Variants in ABCB5 observed in about 807,000 individuals in gnomAD.
The protein encoded by ABCB5 is ATP binding cassette subfamily B member 5, also known as ATP-binding cassette sub-family B member 5.
Under a neutral mutation model 144.2 loss-of-function variants are expected in ABCB5, and 155 were observed. The observed-to-expected ratio is 1.08, with a 90% CI of 0.94 to 1.23. The LOEUF (loss-of-function observed/expected upper bound fraction) is 1.23, where lower values mean the gene tolerates loss of function less well. Among genes scored for constraint, ABCB5 ranks in the 50% most tolerant of loss-of-function variants. The pLI, the probability that ABCB5 is intolerant of heterozygous loss-of-function variation, is 0.00. For synonymous variants in ABCB5, 610 were observed against 528.6 expected, an observed-to-expected ratio of 1.15 and a Z score of -2.11; for missense variants, 1,830 against 1,520.8, an observed-to-expected ratio of 1.20 and a Z score of -3.38.
At chr7:20,622,412 C>A (rs1011429907) in intron 1 of ABCB5, among the ~76,000 whole-genome samples, 2 of 152,058 alleles carry the variant, frequency 1.3e-5, no homozygotes, top group South Asian at 2.1e-4. Flanking sequence ...TTGTATTATG[C>A]CTTCCTCCTT....
chr7:20,737,095 T>G (rs930457951), intron 23 of ABCB5, among the ~76,000 whole-genome samples: 6 of 151,314 alleles, frequency 4.0e-5, no homozygotes, highest in African/African-American at 1.5e-4. Context: ...GAGATGGAGG[T>G]TGCAGTGAGC....
At chr7:20,704,200 C>T (rs994601124) in intron 19 of ABCB5, among the ~76,000 whole-genome samples, 2 of 151,356 alleles carry the variant, frequency 1.3e-5, no homozygotes, top group Non-Finnish European at 2.9e-5. Flanking sequence ...CCTCAGCCTC[C>T]CAAGTAGCTG....
intron 19 of ABCB5, among the ~76,000 whole-genome samples, chr7:20,701,434 A>C (rs1457700041): frequency 6.6e-6 from 1 of 152,094 alleles, no homozygotes; most frequent in Non-Finnish European, 1.5e-5. Context: ...GAATGCCTAG[A>C]TGTTTGTTTT....
At chr7:20,667,969 CCAGCCTCGGCCTCCCGAGGTG>C (rs1785264936) in intron 14 of ABCB5, among the ~76,000 whole-genome samples, 1 of 71,920 alleles carries the variant, frequency 1.4e-5, no homozygotes, top group African/African-American at 6.6e-5. Context: ...GAGTGATCCG[CCAGCCTCGGCCTCCCGAGGTG>C]CCGGGATTGC....
intron 26 of ABCB5, among the ~76,000 whole-genome samples, chr7:20,747,829 T>A (rs6461518): frequency 0.35 from 53,167 of 151,782 alleles, 9,489 homozygotes; most frequent in African/African-American, 0.39. Flanking sequence ...TAAAATAGTT[T>A]AAAAAAAATC....
chr7:20,723,771 AAAAC>A (rs1781947550), intron 21 of ABCB5, among the ~76,000 whole-genome samples: 3 of 152,194 alleles, frequency 2.0e-5, no homozygotes, highest in Admixed American at 1.3e-4. Flanking sequence ...TTTATTTTTC[AAAAC>A]AAACAGGCAA....
intron 14 of ABCB5, among the ~76,000 whole-genome samples, chr7:20,670,253 G>A (rs763027023): frequency 6.6e-6 from 1 of 151,978 alleles, no homozygotes; most frequent in Non-Finnish European, 1.5e-5. Context: ...ATAATGATGT[G>A]TCAATAGTGG....
chr7:20,702,828 A>ATTTTTT (rs5882755), intron 19 of ABCB5, among the ~76,000 whole-genome samples: 4 of 114,118 alleles, frequency 3.5e-5, no homozygotes, highest in Non-Finnish European at 7.0e-5. Context: ...CGCCTGGCTA[A>ATTTTTT]TTTTTTTTTT....
rs1475710449 is a variant in ABCB5 at position 20,749,067 on chromosome 7, CCTTTCTTTCT to C, written c.3429+3640_3429+3649del. On this transcript the variant is annotated intron_variant, in intron 26 of 27. Coordinates refer to ENST00000404938, the MANE Select transcript of ABCB5 (RefSeq NM_001163941.2). ...TTGTCTCTCCCTTTCTTTCTCTCTC[CCTTTCTTTCT>C]CTTTCTTTCTTGCTTGCTTTTCTTG... Among the ~76,000 whole-genome samples, 37 of 151,662 alleles carry C rather than the reference CCTTTCTTTCT, an allele frequency of 2.4e-4. 1 individual carries two copies. The highest frequency in any genetic ancestry group is 2.0e-3 in the Admixed American group (30 of 15,160).
rs144800007 is a variant in ABCB5 at position 20,659,194 on chromosome 7, G to A, written c.1707+518G>A. 9 of 1,609,506 alleles carry A rather than the reference G, an allele frequency of 5.6e-6. No homozygotes were observed. In the Admixed American group the frequency reaches 1.0e-4, roughly 18 times the overall value. On this transcript the variant is annotated intron_variant, in intron 14 of 27. Transcript: ENST00000404938. Reference sequence around the variant, plus strand: ...GACCTCCTGCTGCCTATGAGCTACTGCACATACCTCAAGGCCATATGCAGT... The same window carrying A: ...GACCTCCTGCTGCCTATGAGCTACTACACATACCTCAAGGCCATATGCAGT...
At chr7:20,681,809 G>C (rs974199826) in intron 15 of ABCB5, 143 bp downstream of exon 15, 2 of 929,736 alleles carry the variant, frequency 2.2e-6, no homozygotes, top group African/African-American at 3.3e-5. Context: ...AAGAAATGGA[G>C]TGTTTCAAAT....
At chr7:20,732,499 C>T (rs1478385053) in intron 23 of ABCB5, among the ~76,000 whole-genome samples, 1 of 152,150 alleles carries the variant, frequency 6.6e-6, no homozygotes, top group African/African-American at 2.4e-5. Context: ...TGGCACATAA[C>T]AGACACACAA....
At chr7:20,681,002 CTTTCTTTCTTTCTTTCTTTCTT>C (rs1785782778) in intron 14 of ABCB5, among the ~76,000 whole-genome samples, 7 of 43,864 alleles carry the variant, frequency 1.6e-4, no homozygotes, top group Admixed American at 1.3e-3. Flanking sequence ...TTCTTTCTTT[CTTTCTTTCTTTCTTTCTTTCTT>C]TCTTTCTTTC....
intron 7 of ABCB5, 80 bp downstream of exon 7, chr7:20,643,712 C>A: frequency 1.3e-6 from 2 of 1,493,134 alleles, no homozygotes; most frequent in Non-Finnish European, 1.8e-6. Flanking sequence ...TCAAAAATGG[C>A]TTTTCTATTC....
chr7:20,724,641 A>G (rs1441868189), intron 21 of ABCB5, among the ~76,000 whole-genome samples: 1 of 151,622 alleles, frequency 6.6e-6, no homozygotes, highest in Non-Finnish European at 1.5e-5. Flanking sequence ...AAAAAAAAAA[A>G]AAAAAAAAGG....
chr7:20,678,610 CAAAACAAAAACA>C lies in ABCB5; in HGVS notation c.1708-2872_1708-2861del, dbSNP rs571153694. ...TGTCAGTTATTGTGCTAGGCATTTA[CAAAACAAAAACA>C]AAAACAAAAACAAAAACAAAAAAAA... On this transcript the variant is annotated intron_variant, in intron 14 of 27. Transcript: ENST00000404938. Among the ~76,000 whole-genome samples, 24 of 149,162 alleles carry C rather than the reference CAAAACAAAAACA, an allele frequency of 1.6e-4. No homozygotes were observed. The East Asian group carries it at 2.4e-3, about 15-fold the overall frequency.
chr7:20,719,454 A>T (rs987504314), intron 20 of ABCB5, among the ~76,000 whole-genome samples: 1 of 152,202 alleles, frequency 6.6e-6, no homozygotes, highest in African/African-American at 2.4e-5. Context: ...AGTGAAACCA[A>T]TTTATAATGT....
At chr7:20,617,705 T>C (rs1783717537) in intron 1 of ABCB5, among the ~76,000 whole-genome samples, 1 of 152,172 alleles carries the variant, frequency 6.6e-6, no homozygotes, top group African/African-American at 2.4e-5. Context: ...AATCTAACTG[T>C]ATGCTGTCAA....
chr7:20,651,571 A>G lies in ABCB5; in HGVS notation c.1484A>G (p.Glu495Gly), dbSNP rs1784591184. Reference protein sequence around the residue: ...GRDDVTDEEMERAAREANAYD... With the variant: ...GRDDVTDEEMGRAAREANAYD... ...GATGATGTGACTGATGAAGAGATGG[A>G]GAGAGCAGCAAGGGAAGCAAATGCG... The change falls in exon 13 of 28, where the codon GAG becomes GGG. Residue 495 changes from glutamate to glycine, a missense_variant. Glu to Gly is a moderately conservative substitution (Grantham distance 98, BLOSUM62 -2). Transcript: ENST00000404938. The G allele has an allele frequency of 1.2e-6, 2 of 1,614,130 alleles. No individual in the cohort carries two copies. Among genetic ancestry groups the G allele is most frequent in the African/African-American group, 1.3e-5 (1 of 75,032 alleles).
Sources: gnomAD v4.1 joint callset for allele counts (sites outside exome capture counted in the v4.1 genomes callset) on GRCh38, gnomAD v4.1.1 for gene constraint, MANE v1.5 for transcripts, NCBI Gene and HGNC (gene_info 2026-07-23, HGNC 2026-07-21) for gene names.